Variants in SNX19 observed in about 807,000 individuals in gnomAD.
SNX19 encodes the protein sorting nexin 19, also known as sorting nexin-19.
SNX19 carries 60 observed loss-of-function variants against 85.2 expected under a neutral mutation model. The observed-to-expected ratio is 0.70, with a 90% CI of 0.57 to 0.87. The LOEUF (loss-of-function observed/expected upper bound fraction) is 0.87, where lower values mean the gene tolerates loss of function less well. SNX19 is among the 40% of genes least tolerant of loss of function. SNX19 has a pLI of 0.00. For synonymous variants in SNX19, 520 were observed against 470.0 expected (o/e 1.11, Z -1.38); for missense variants, 1,201 against 1,217.8 (o/e 0.99, Z 0.21).
rs1312096397 is a variant in SNX19 at position 130,867,820 on chromosome 11, G to A, written c.*10602C>T. On this transcript the variant is annotated 3_prime_UTR_variant, in exon 11 of 11. Coordinates refer to ENST00000265909, the MANE Select transcript of SNX19 (RefSeq NM_014758.3). ...TTCTATGATCCAGTTCAACTTCTTTGTATGGAAGAAACTGAGGTCCAGGGA... is the reference window on the plus strand; with the variant it reads ...TTCTATGATCCAGTTCAACTTCTTTATATGGAAGAAACTGAGGTCCAGGGA... The A allele has an allele frequency of 2.0e-5, 3 of 152,128 alleles. No individual in the cohort carries two copies. Among genetic ancestry groups the A allele is most frequent in the Non-Finnish European group, 2.9e-5 (2 of 68,032 alleles). 9.4% of individuals were successfully genotyped at this position (152,128 alleles called of 1,614,324 possible).
chr11:130,891,178 T>C (rs1049883013), intron 8 of SNX19, among the ~76,000 whole-genome samples: 2 of 152,202 alleles, frequency 1.3e-5, no homozygotes, highest in African/African-American at 4.8e-5. Flanking sequence ...CCATATATGT[T>C]TATATACACG....
intron 8 of SNX19, among the ~76,000 whole-genome samples, chr11:130,888,557 A>C (rs1944256989): frequency 6.6e-6 from 1 of 152,216 alleles, no homozygotes; most frequent in Admixed American, 6.5e-5. Flanking sequence ...GCACACTCCT[A>C]CTGAACCCAT....
chr11:130,892,521 T>C (rs1944567320), intron 8 of SNX19, among the ~76,000 whole-genome samples: 2 of 152,202 alleles, frequency 1.3e-5, no homozygotes, highest in Non-Finnish European at 2.9e-5. Context: ...TCAACCAGGT[T>C]CAGCGAACTA....
chr11:130,913,146 A>AG (rs1946274071), intron 1 of SNX19, among the ~76,000 whole-genome samples: 2 of 152,204 alleles, frequency 1.3e-5, no homozygotes, highest in African/African-American at 4.8e-5. Context: ...GCTAATGAGG[A>AG]GGGAAAAAAC....
At chr11:130,903,079 C>A in intron 8 of SNX19, 176 bp downstream of exon 8, 5 of 762,876 alleles carry the variant, frequency 6.6e-6, no homozygotes, top group Non-Finnish European at 1.0e-5. Context: ...TTGTAGACAA[C>A]AAGGTAGTCA....
At chr11:130,888,247 T>C (rs1233850561) in intron 8 of SNX19, among the ~76,000 whole-genome samples, 2 of 152,238 alleles carry the variant, frequency 1.3e-5, no homozygotes, top group African/African-American at 4.8e-5. Flanking sequence ...ATCTTAATTT[T>C]CATCATCTAG....
chr11:130,881,413 C>T (rs7942621), intron 8 of SNX19, among the ~76,000 whole-genome samples: 1 of 151,964 alleles, frequency 6.6e-6, no homozygotes, highest in Non-Finnish European at 1.5e-5. Context: ...AAAGGGCCTC[C>T]GTCTCTGGGT....
chr11:130,897,017 C>T (rs1267807128), intron 8 of SNX19, among the ~76,000 whole-genome samples: 1 of 152,024 alleles, frequency 6.6e-6, no homozygotes, highest in African/African-American at 2.4e-5. Flanking sequence ...CCCAACTGTC[C>T]TTAGGGGAGG....
Position 130,905,960 on chromosome 11 carries a change from G to T in SNX19, c.2436C>A (p.Ser812Arg), listed in dbSNP as rs538029670. 4 of 1,614,078 alleles carry T rather than the reference G, an allele frequency of 2.5e-6. No homozygotes were observed. The African/African-American group carries it at 5.3e-5, about 22-fold the overall frequency. The change falls in exon 7 of 11, where the codon AGC (serine) becomes AGA (arginine). Residue 812 changes from serine (S) to arginine (R), a missense_variant. Ser to Arg is a moderately radical substitution (Grantham distance 110, BLOSUM62 -1). Around this residue, in one of 3 missense-constraint regions of SNX19, gnomAD observed 285 missense variants for 295.3 expected, o/e 0.97. Coordinates refer to ENST00000265909, the MANE Select transcript of SNX19 (RefSeq NM_014758.3). ...AGAGACCTCGCCACTCACCTGGATC[G>T]CTGTTGCTGGGGTCTTGGGCTGGCA... ...AAVPAQDPSN[S>R]DPGTETELAD... is the part of the protein sequence containing the mutation.
At chr11:130,894,359 A>G (rs1944718488) in intron 8 of SNX19, among the ~76,000 whole-genome samples, 1 of 152,206 alleles carries the variant, frequency 6.6e-6, no homozygotes, top group African/African-American at 2.4e-5. Context: ...CACTCAGAGA[A>G]GCAAGCATAT....
chr11:130,893,945 G>A (rs1470860309), intron 8 of SNX19: 1 of 618,832 alleles, frequency 1.6e-6, no homozygotes, highest in Non-Finnish European at 2.9e-6. Context: ...AAGCCTGCAA[G>A]GACAGAGGTA....
At chr11:130,908,722 A>G (rs1449853367) in intron 4 of SNX19, among the ~76,000 whole-genome samples, 2 of 152,244 alleles carry the variant, frequency 1.3e-5, no homozygotes, top group African/African-American at 4.8e-5. Context: ...AGACCAAATA[A>G]AATAATCCTC....
chr11:130,895,171 G>A, intron 8 of SNX19: 5 of 985,464 alleles, frequency 5.1e-6, no homozygotes, highest in Non-Finnish European at 4.8e-6. Context: ...GGAAAGGAGA[G>A]AGCCATTAGA....
chr11:130,895,061 G>A, intron 8 of SNX19: 1 of 985,416 alleles, frequency 1.0e-6, no homozygotes, highest in Non-Finnish European at 1.2e-6. Flanking sequence ...GAAGGAAAGA[G>A]GTGGAGAAAG....
intron 8 of SNX19, chr11:130,901,803 T>C (rs973088879): frequency 4.0e-5 from 6 of 150,728 alleles, no homozygotes; most frequent in Non-Finnish European, 5.9e-5. Context: ...TTCCCTGAGC[T>C]TCTAAGTTGG....
At position 130,907,938 on chromosome 11, in the gene SNX19, C is replaced by T. The variant is rs768049183; in HGVS notation, c.2165+15G>A. 1.9e-6 allele frequency: 3 copies of T among 1,612,806 alleles called. No homozygotes were observed. The South Asian group carries it at 3.3e-5, about 18-fold the overall frequency. On this transcript the variant is annotated intron_variant, in intron 5 of 10. Coordinates refer to ENST00000265909, the MANE Select transcript of SNX19 (RefSeq NM_014758.3). ...GAACTGGGGAAAGGTCCCTGGGTAACTGAGGGCTTCTCACTTGCTAGCCTT... is the reference window on the plus strand; with the variant it reads ...GAACTGGGGAAAGGTCCCTGGGTAATTGAGGGCTTCTCACTTGCTAGCCTT...
At chr11:130,903,157 T>C (rs1456758320) in intron 8 of SNX19, 98 bp downstream of exon 8, 4 of 1,535,232 alleles carry the variant, frequency 2.6e-6, no homozygotes, top group Non-Finnish European at 3.5e-6. Flanking sequence ...GAATCTATCT[T>C]CTCTTACGGC....
intron 1 of SNX19, among the ~76,000 whole-genome samples, chr11:130,913,744 T>C (rs991054898): frequency 6.6e-6 from 1 of 152,218 alleles, no homozygotes; most frequent in East Asian, 1.9e-4. Context: ...TCTCAGAAGA[T>C]AGCAAGTTTT....
chr11:130,900,422 C>T (rs151191009), intron 8 of SNX19, among the ~76,000 whole-genome samples: 34 of 152,304 alleles, frequency 2.2e-4, no homozygotes, highest in African/African-American at 6.3e-4. Context: ...ATGTCTGCCA[C>T]GCAGCTGGAG....
Sources: gnomAD v4.1 joint callset for allele counts (sites outside exome capture counted in the v4.1 genomes callset) on GRCh38, gnomAD v4.1.1 for gene constraint, gnomAD v4.1.1 regional missense constraint, MANE v1.5 for transcripts, NCBI Gene and HGNC (gene_info 2026-07-23, HGNC 2026-07-21) for gene names.